The following WNT11 variants were observed in gnomAD, a reference collection of about 807,000 sequenced individuals.
WNT11 encodes Wnt family member 11, also known as protein Wnt-11.
WNT11 carries 20 observed loss-of-function variants against 35.6 expected under a neutral mutation model. The observed-to-expected ratio is 0.56, with a 90% CI of 0.40 to 0.82. The LOEUF (loss-of-function observed/expected upper bound fraction) is 0.82. Ranked by LOEUF, WNT11 falls within the 40% of genes least tolerant of loss-of-function variation. The pLI, the probability that WNT11 is intolerant of heterozygous loss-of-function variation, is 0.00. For synonymous variants in WNT11, 200 were observed against 211.9 expected (o/e 0.94, Z 0.49); for missense variants, 459 against 504.4 (o/e 0.91, Z 0.86).
rs527302309 is a variant in WNT11 at position 76,202,819 on chromosome 11, C to T, written c.83+3506G>A. Among the ~76,000 whole-genome samples the T allele has an allele frequency of 1.6e-3, 244 of 152,320 alleles. 2 individuals are homozygous for T. The highest frequency in any genetic ancestry group is 2.9e-3 in the Non-Finnish European group (194 of 68,036). ...GACTCCAGAGTGAAGAGGGACTAGT[C>T]CAGCCCTTGTCCTCACTGTATAGAT... On this transcript the variant is annotated intron_variant, in intron 1 of 4. Transcript: ENST00000322563.
chr11:76,189,926 G>GTTATAT (rs1953155995), intron 4 of WNT11, among the ~76,000 whole-genome samples: 1 of 152,222 alleles, frequency 6.6e-6, no homozygotes, highest in Admixed American at 6.5e-5. Context: ...AGGACCGGGA[G>GTTATAT]CCGCAAGGCA....
At chr11:76,210,516 C>T (rs1441530459), upstream of WNT11, 2 of 985,156 alleles carry the variant, frequency 2.0e-6, no homozygotes, top group Admixed American at 6.2e-5. Flanking sequence ...CCGGGTGCCC[C>T]GGCCTGCCCA....
Position 76,194,348 on chromosome 11 carries a change from A to G in WNT11, c.597+219T>C, listed in dbSNP as rs1029883711. ...GTTCAGTGCTCCCTCTGCTTGGACA[A>G]CCCAAACCCCAGTGGACGCCTTGGA... On this transcript the variant is annotated intron_variant, in intron 3 of 4. Transcript: ENST00000322563. The surrounding 1 kb of genome is among the most constrained non-coding windows in gnomAD (Gnocchi z 5.4). Among the ~76,000 whole-genome samples the G allele has an allele frequency of 6.6e-6, 1 of 151,838 alleles. No individual in the cohort carries two copies. The highest frequency in any genetic ancestry group is 1.5e-5 in the Non-Finnish European group (1 of 68,000).
At chr11:76,188,982 G>T (rs561798382) in intron 4 of WNT11, among the ~76,000 whole-genome samples, 1 of 152,352 alleles carries the variant, frequency 6.6e-6, no homozygotes, top group Admixed American at 6.5e-5. Context: ...TGGGCAGAAG[G>T]AGGGGAGCGC....
Position 76,186,763 on chromosome 11 carries a change from G to T in WNT11, c.*302C>A. 4.0e-6 allele frequency: 2 copies of T among 503,826 alleles called. No homozygotes were observed. Among genetic ancestry groups the T allele is most frequent in the Non-Finnish European group, 3.9e-6 (1 of 259,622 alleles). 31.2% of individuals were successfully genotyped at this position (503,826 alleles called of 1,614,324 possible). A position where few individuals can be genotyped will look rare whatever the true frequency, so the allele number is the denominator to read the frequency against. ...TCTGTGGCCCTGAAAGGTCAAGTCT[G>T]TATCAGTCTCACCGATCCCAAGCCC... On this transcript the variant is annotated 3_prime_UTR_variant, in exon 5 of 5. Coordinates refer to ENST00000322563, the MANE Select transcript of WNT11 (RefSeq NM_004626.3).
chr11:76,207,114 C>A (rs1464245153), upstream of WNT11, among the ~76,000 whole-genome samples: 1 of 152,218 alleles, frequency 6.6e-6, no homozygotes, highest in Non-Finnish European at 1.5e-5. Context: ...GTAATCCCAG[C>A]ACTTTGGGAG....
At chr11:76,198,497 G>A (rs1308163473) in intron 1 of WNT11, among the ~76,000 whole-genome samples, 1 of 152,198 alleles carries the variant, frequency 6.6e-6, no homozygotes, top group Admixed American at 6.5e-5. Context: ...TTCTCTGAAA[G>A]GAACTGTCTT....
At position 76,206,468 on chromosome 11, in the gene WNT11, C is replaced by A; in HGVS notation, c.-61G>T. The stretch of plus-strand genomic sequence containing the variant: ...GAGGAGCCGCGCCGAAGTCCTCCGC[C>A]TGCACGGCCGCCGCTGGTCCTGCAC... On this transcript the variant is annotated 5_prime_UTR_variant, in exon 1 of 5. It adds an upstream start codon to the 5' untranslated region. Coordinates refer to ENST00000322563, the MANE Select transcript of WNT11 (RefSeq NM_004626.3). The A allele has an allele frequency of 7.5e-7, 1 of 1,330,656 alleles. No homozygotes were observed. Among genetic ancestry groups the A allele is most frequent in the Non-Finnish European group, 9.6e-7 (1 of 1,042,398 alleles). 82.4% of individuals were successfully genotyped at this position (1,330,656 alleles called of 1,614,324 possible).
chr11:76,195,284 G>A (rs1409018532), intron 2 of WNT11, among the ~76,000 whole-genome samples: 4 of 152,254 alleles, frequency 2.6e-5, no homozygotes, highest in Admixed American at 2.0e-4. Context: ...ACGAAGTGGG[G>A]TCTTTGCAGA....
intron 1 of WNT11, among the ~76,000 whole-genome samples, chr11:76,201,728 G>A (rs989481933): frequency 6.6e-6 from 1 of 152,150 alleles, no homozygotes; most frequent in Non-Finnish European, 1.5e-5. Flanking sequence ...GTGAGACCTT[G>A]GGCAAGTCAC....
intron 1 of WNT11, among the ~76,000 whole-genome samples, chr11:76,202,974 T>A (rs996298052): frequency 6.6e-6 from 1 of 152,192 alleles, no homozygotes; most frequent in African/African-American, 2.4e-5. Context: ...GCCTCACACA[T>A]GCTGACCCAC....
At chr11:76,208,656 G>C (rs1383303642), upstream of WNT11, among the ~76,000 whole-genome samples, 1 of 152,178 alleles carries the variant, frequency 6.6e-6, no homozygotes, top group Non-Finnish European at 1.5e-5. Flanking sequence ...ACTCACAGCG[G>C]GGGATCTGTG....
At chr11:76,188,284 GC>G (rs1207337801) in intron 4 of WNT11, among the ~76,000 whole-genome samples, 2 of 152,236 alleles carry the variant, frequency 1.3e-5, no homozygotes, top group Non-Finnish European at 2.9e-5. Flanking sequence ...AACAGGCTCA[GC>G]AAAGGGCAGA....
In WNT11 at chr11:76,196,623, C is replaced by A. The variant is rs201232636; in HGVS notation, c.179G>T (p.Arg60Leu). 92 of 1,613,566 alleles carry A rather than the reference C, an allele frequency of 5.7e-5. No homozygotes were observed. Among genetic ancestry groups the A allele is most frequent in the Non-Finnish European group, 7.2e-5 (85 of 1,180,044 alleles). The part of the protein sequence containing the change: ...GLVSAQVQLC[R>L]SNLELMHTVV... Reference sequence around the variant, plus strand: ...CGTGTGCATGAGCTCCAGGTTGCTGCGGCACAGCTGCACCTGTGCAGACAC... The same window carrying A: ...CGTGTGCATGAGCTCCAGGTTGCTGAGGCACAGCTGCACCTGTGCAGACAC... The change falls in exon 2 of 5, where the codon CGC (arginine) becomes CTC (leucine). Residue 60 changes from arginine to leucine, a missense_variant. Arg to Leu is a moderately radical substitution (Grantham distance 102). Transcript: ENST00000322563.
chr11:76,191,290 C>G (rs2134569865), intron 4 of WNT11, among the ~76,000 whole-genome samples: 1 of 152,350 alleles, frequency 6.6e-6, no homozygotes, highest in African/African-American at 2.4e-5. Context: ...ATCTGTCTCC[C>G]CAGCTGGGGA....
chr11:76,206,658 TC>T, upstream of WNT11: 1 of 763,246 alleles, frequency 1.3e-6, no homozygotes, highest in Non-Finnish European at 1.7e-6. Context: ...CGCGCCTGGC[TC>T]GAATTAGGCG....
At chr11:76,204,175 T>C (rs1953431851) in intron 1 of WNT11, among the ~76,000 whole-genome samples, 1 of 152,224 alleles carries the variant, frequency 6.6e-6, no homozygotes, top group Non-Finnish European at 1.5e-5. Context: ...TACACACGTG[T>C]ATCTATATAT....
In WNT11 at chr11:76,199,250, C is replaced by T. The variant is rs188186603; in HGVS notation, c.84-2532G>A. ...TCTATGATCTCAGCTACTCTGAGGC[C>T]AAAGTAGGAGGATCCTTTGAGGCCA... On this transcript the variant is annotated intron_variant, in intron 1 of 4. Coordinates refer to ENST00000322563, the MANE Select transcript of WNT11 (RefSeq NM_004626.3). Among the ~76,000 whole-genome samples the T allele has an allele frequency of 2.3e-4, 35 of 152,116 alleles. No homozygotes were observed. In the East Asian group the frequency reaches 6.4e-3, roughly 28 times the overall value.
chr11:76,202,629 G>C (rs1953399182), intron 1 of WNT11, among the ~76,000 whole-genome samples: 1 of 152,148 alleles, frequency 6.6e-6, no homozygotes, highest in Non-Finnish European at 1.5e-5. Context: ...CTTCAATTAG[G>C]CACCAGGTCT....
Sources: gnomAD v4.1 joint callset for allele counts (sites outside exome capture counted in the v4.1 genomes callset) on GRCh38, gnomAD v4.1.1 for gene constraint, Gnocchi (gnomAD v3.1) non-coding constraint, MANE v1.5 for transcripts, NCBI Gene and HGNC (gene_info 2026-07-23, HGNC 2026-07-21) for gene names.